The following NREP variants were observed in gnomAD, a reference collection of about 807,000 sequenced individuals.
NREP encodes the protein neuronal regeneration related protein, also known as neuronal regeneration-related protein.
NREP carries 5 observed loss-of-function variants against 8.6 expected under a neutral mutation model. The observed-to-expected ratio is 0.58, with a 90% CI of 0.30 to 1.22. NREP has a LOEUF of 1.22. NREP is among the 50% of genes most tolerant of loss of function. The pLI is 0.07. For synonymous variants in NREP, 27 were observed against 28.0 expected, an observed-to-expected ratio of 0.96 and a Z score of 0.11; for missense variants, 86 against 82.5, an observed-to-expected ratio of 1.04 and a Z score of -0.17.
At chr5:111,943,023 T>C (rs1240125221) in intron 2 of NREP, among the ~76,000 whole-genome samples, 2 of 151,886 alleles carry the variant, frequency 1.3e-5, no homozygotes, top group Non-Finnish European at 2.9e-5. Flanking sequence ...TTTCTCCCCT[T>C]TGATCTCCTA....
chr5:111,734,790 G>GAAGTC (rs1440324655), intron 3 of NREP: 4 of 688,108 alleles, frequency 5.8e-6, no homozygotes, highest in African/African-American at 5.3e-5. Flanking sequence ...CTCCCCGCTT[G>GAAGTC]AAGTCAAACA....
intron 2 of NREP, among the ~76,000 whole-genome samples, chr5:111,935,745 G>A (rs1479139896): frequency 6.6e-6 from 1 of 152,058 alleles, no homozygotes; most frequent in African/African-American, 2.4e-5. Flanking sequence ...GCACATCTTA[G>A]AATAGAGGAA....
chr5:111,947,148 T>C lies in NREP; in HGVS notation c.135+28126A>G, dbSNP rs942529059. The stretch of plus-strand genomic sequence containing the variant: ...AAGAAATAATGTATAACTATAGAAG[T>C]CCCTATTTTTGTATCCACTCCTCCA... On this transcript the variant is annotated intron_variant, in intron 2 of 3. Coordinates refer to the NREP transcript ENST00000395634. Among the ~76,000 whole-genome samples the C allele has an allele frequency of 5.3e-5, 8 of 152,114 alleles. No individual in the cohort carries two copies. The South Asian group carries it at 1.7e-3, about 32-fold the overall frequency.
At chr5:111,955,652 C>T (rs972298964) in intron 2 of NREP, among the ~76,000 whole-genome samples, 3 of 152,002 alleles carry the variant, frequency 2.0e-5, no homozygotes, top group Non-Finnish European at 2.9e-5. Flanking sequence ...TTGAAATACT[C>T]GCTTCCACTC....
At chr5:111,768,494 G>A (rs970618900) in intron 2 of NREP, among the ~76,000 whole-genome samples, 2 of 152,148 alleles carry the variant, frequency 1.3e-5, no homozygotes, top group Admixed American at 6.5e-5. Flanking sequence ...CTTAAAGTTA[G>A]TTTTTCAACC....
chr5:111,758,929 C>T (rs1157176378), upstream of NREP, among the ~76,000 whole-genome samples: 1 of 152,190 alleles, frequency 6.6e-6, no homozygotes, highest in Non-Finnish European at 1.5e-5. Context: ...GTTTAAGGAG[C>T]CCACTGAAAG....
chr5:111,849,264 G>C (rs1561692805), intron 2 of NREP, among the ~76,000 whole-genome samples: 1 of 152,098 alleles, frequency 6.6e-6, no homozygotes, highest in Non-Finnish European at 1.5e-5. Flanking sequence ...ATACCAAGAA[G>C]AGGGAACAGG....
chr5:111,810,223 C>A (rs972395235), intron 2 of NREP, among the ~76,000 whole-genome samples: 1 of 152,002 alleles, frequency 6.6e-6, no homozygotes, highest in African/African-American at 2.4e-5. Context: ...CATGAGGCAA[C>A]GGAAACTGTG....
Position 111,967,793 on chromosome 5 carries a change from TA to T in NREP, c.135+7480del, listed in dbSNP as rs879694289. 3.2e-3 allele frequency among the ~76,000 whole-genome samples: 466 copies of T among 147,502 alleles called. 3 individuals are homozygous for T. Among genetic ancestry groups the T allele is most frequent in the African/African-American group, 9.5e-3 (382 of 40,368 alleles). On this transcript the variant is annotated intron_variant, in intron 2 of 3. Coordinates refer to the NREP transcript ENST00000395634. ...TCCCCAACTTGTAAACTTTTTAATT[TA>T]AAAAAAAAAAGAAGATCTTTTTCCC...
chr5:111,818,611 G>A (rs138915732), intron 2 of NREP, among the ~76,000 whole-genome samples: 3 of 152,294 alleles, frequency 2.0e-5, no homozygotes, highest in Admixed American at 2.0e-4. Flanking sequence ...CTGAAGAAGA[G>A]ATATTGGGAT....
rs1748441062 is a variant in NREP, at chr5:111,730,451, A to AAAAG, written c.*466_*469dup. 1 of 153,240 alleles carries AAAAG rather than the reference A, an allele frequency of 6.5e-6. No individual in the cohort carries two copies. Among genetic ancestry groups the AAAAG allele is most frequent in the South Asian group, 2.1e-4 (1 of 4,840 alleles). The allele number at this position is 153,240 out of a possible 1,614,324, so 9.5% of individuals were successfully genotyped here. A position where few individuals can be genotyped will look rare whatever the true frequency, so the allele number is the denominator to read the frequency against. On this transcript the variant is annotated 3_prime_UTR_variant, in exon 4 of 4. Transcript: ENST00000257435. ...GAGTTTCAAACTACTTCTATACATC[A>AAAAG]AAAGAGTACATGGATAAAATATAGA...
At position 111,973,692 on chromosome 5, in the gene NREP, T is replaced by C. The variant is rs137922074; in HGVS notation, c.135+1582A>G. Among the ~76,000 whole-genome samples the C allele has an allele frequency of 4.6e-5, 7 of 152,356 alleles. No individual in the cohort carries two copies. The East Asian group carries it at 7.7e-4, about 17-fold the overall frequency. On this transcript the variant is annotated intron_variant, in intron 2 of 3. Coordinates refer to the NREP transcript ENST00000395634. ...GCTCAAGCTTATGACTACCTTGGTA[T>C]TCTGACTTATGGTCTGTTATTTTTG...
At chr5:111,851,344 C>G (rs1258347878) in intron 2 of NREP, among the ~76,000 whole-genome samples, 1 of 152,172 alleles carries the variant, frequency 6.6e-6, no homozygotes, top group Non-Finnish European at 1.5e-5. Context: ...TGCAGATACT[C>G]TGGTGTTCTA....
intron 2 of NREP, among the ~76,000 whole-genome samples, chr5:111,792,522 GT>G (rs1381902868): frequency 5.9e-5 from 9 of 152,180 alleles, no homozygotes; most frequent in African/African-American, 2.2e-4. Flanking sequence ...AAAGGACATG[GT>G]TTTAACAAGC....
chr5:111,931,898 C>G (rs940357291), intron 2 of NREP, among the ~76,000 whole-genome samples: 2 of 151,838 alleles, frequency 1.3e-5, no homozygotes, highest in Non-Finnish European at 2.9e-5. Flanking sequence ...ACAGTTGTTC[C>G]AGGGCATTAC....
chr5:111,915,941 C>G (rs769314341), intron 2 of NREP, among the ~76,000 whole-genome samples: 1 of 152,132 alleles, frequency 6.6e-6, no homozygotes, highest in Non-Finnish European at 1.5e-5. Flanking sequence ...CTATCATCCA[C>G]GATCACCTTG....
chr5:111,831,786 T>C (rs984615045), intron 2 of NREP, among the ~76,000 whole-genome samples: 2 of 152,184 alleles, frequency 1.3e-5, no homozygotes, highest in Non-Finnish European at 2.9e-5. Flanking sequence ...TTCTTTCTGT[T>C]AATGGCAGCC....
At chr5:111,767,190 T>C (rs1339331386) in intron 2 of NREP, among the ~76,000 whole-genome samples, 1 of 152,172 alleles carries the variant, frequency 6.6e-6, no homozygotes, top group Non-Finnish European at 1.5e-5. Context: ...ATGAAAGAAA[T>C]TAGATAAACT....
intron 2 of NREP, among the ~76,000 whole-genome samples, chr5:111,874,241 A>T (rs1037254282): frequency 9.9e-5 from 15 of 152,196 alleles, no homozygotes; most frequent in African/African-American, 3.4e-4. Flanking sequence ...ATCAGTCCAG[A>T]TGTTAAAATG....
Sources: gnomAD v4.1 joint callset for allele counts (sites outside exome capture counted in the v4.1 genomes callset) on GRCh38, gnomAD v4.1.1 for gene constraint, MANE v1.5 for transcripts, NCBI Gene and HGNC (gene_info 2026-07-23, HGNC 2026-07-21) for gene names.